The following KIAA0513 variants were observed in gnomAD, a reference collection of about 807,000 sequenced individuals.
KIAA0513 encodes the protein uncharacterized protein KIAA0513.
A neutral mutation model predicts 56.5 loss-of-function variants in KIAA0513; 39 were observed. The ratio of observed to expected loss-of-function variants is 0.69; its 90% CI spans 0.53 to 0.90. The LOEUF (loss-of-function observed/expected upper bound fraction) is 0.90, where lower values mean the gene tolerates loss of function less well. KIAA0513 is among the 40% of genes least tolerant of loss of function. KIAA0513 has a pLI of 0.00. For missense variants in KIAA0513, 591 were observed against 535.2 expected, an observed-to-expected ratio of 1.10 and a Z score of -1.03; for synonymous variants, 268 against 215.6, an observed-to-expected ratio of 1.24 and a Z score of -2.13.
At chr16:85,086,797 C>G (rs919757571) in intron 11 of KIAA0513, 73 bp downstream of exon 11, 1 of 1,346,304 alleles carries the variant, frequency 7.4e-7, no homozygotes. Context: ...CACCTGGTAT[C>G]ACACCCTGGG....
Position 85,073,111 on chromosome 16 carries a change from CA to C in KIAA0513, c.503+114del, listed in dbSNP as rs1158808298. On this transcript the variant is annotated intron_variant, in intron 4 of 12. Coordinates refer to ENST00000683363, the MANE Select transcript of KIAA0513 (RefSeq NM_001388359.1). The stretch of plus-strand genomic sequence containing the variant: ...AGCTGTGAACCATATCCACACTAGT[CA>C]TCAGGTTGCAGTTGCTCTGCTACGC... 79 of 881,896 alleles carry C rather than the reference CA, an allele frequency of 9.0e-5. 1 individual carries two copies. The Middle Eastern group carries it at 1.9e-3, about 21-fold the overall frequency. 54.6% of individuals were successfully genotyped at this position (881,896 alleles called of 1,614,324 possible). A position where few individuals can be genotyped will look rare whatever the true frequency, so the allele number is the denominator to read the frequency against.
intron 10 of KIAA0513, among the ~76,000 whole-genome samples, chr16:85,083,464 C>T (rs780340189): frequency 6.6e-6 from 1 of 151,880 alleles, no homozygotes; most frequent in Non-Finnish European, 1.5e-5. Flanking sequence ...ACAAACACCT[C>T]CTTTCATGAA....
At chr16:85,067,900 T>C (rs990447037) in intron 2 of KIAA0513, among the ~76,000 whole-genome samples, 1 of 151,914 alleles carries the variant, frequency 6.6e-6, no homozygotes, top group African/African-American at 2.4e-5. Context: ...AAGCTCTGCC[T>C]CCCAGGTTTA....
At chr16:85,083,303 C>CT (rs2073770220) in intron 10 of KIAA0513, among the ~76,000 whole-genome samples, 1 of 152,212 alleles carries the variant, frequency 6.6e-6, no homozygotes, top group Non-Finnish European at 1.5e-5. Context: ...TGATCTGCCT[C>CT]TTTAAATAGA....
At chr16:85,078,384 G>C (rs764554631) in intron 6 of KIAA0513, 31 bp from the exon 7 acceptor site, 1 of 1,613,376 alleles carries the variant, frequency 6.2e-7, no homozygotes, top group South Asian at 1.1e-5. Flanking sequence ...TGTGAGTCGC[G>C]TGTGTCATCA....
At chr16:85,067,593 T>C (rs1300383316) in intron 2 of KIAA0513, among the ~76,000 whole-genome samples, 193 bp downstream of exon 2, 1 of 152,150 alleles carries the variant, frequency 6.6e-6, no homozygotes, top group Non-Finnish European at 1.5e-5. Context: ...TGGAGAACTT[T>C]AAAAGAATAC....
chr16:85,028,725 C>T (rs956670303), intron 1 of KIAA0513, among the ~76,000 whole-genome samples: 21 of 151,766 alleles, frequency 1.4e-4, no homozygotes, highest in South Asian at 4.2e-4. Flanking sequence ...GGGGCACTAG[C>T]CAGGTCCTAT....
intron 1 of KIAA0513, among the ~76,000 whole-genome samples, chr16:85,032,721 C>T (rs1403968310): frequency 1.3e-5 from 2 of 152,110 alleles, no homozygotes; most frequent in Non-Finnish European, 2.9e-5. Context: ...AGATCCGCCT[C>T]CCGGGTTCAC....
At position 85,066,918 on chromosome 16, in the gene KIAA0513, A is replaced by G; in HGVS notation, c.-154A>G. 1.8e-6 allele frequency: 1 copy of G among 567,662 alleles called. No homozygotes were observed. Among genetic ancestry groups the G allele is most frequent in the Non-Finnish European group, 3.1e-6 (1 of 326,944 alleles). 35.2% of individuals were successfully genotyped at this position (567,662 alleles called of 1,614,324 possible). ...ATTCTAGATGCCGTAGGGCCAGGTG[A>G]GCTGCTGTGAAGGACTCATTCTTGG... is the stretch of plus-strand genomic sequence containing the variant. On this transcript the variant is annotated 5_prime_UTR_variant, in exon 2 of 13. Transcript: ENST00000683363.
chr16:85,083,462 C>G (rs1208752089), intron 10 of KIAA0513, among the ~76,000 whole-genome samples: 1 of 151,936 alleles, frequency 6.6e-6, no homozygotes, highest in East Asian at 1.9e-4. Flanking sequence ...TAACAAACAC[C>G]TCCTTTCATG....
chr16:85,073,388 A>G (rs1434675462), intron 4 of KIAA0513, among the ~76,000 whole-genome samples: 4 of 152,128 alleles, frequency 2.6e-5, no homozygotes, highest in African/African-American at 9.7e-5. Flanking sequence ...ACACTTAATG[A>G]TATGTTGGGA....
In KIAA0513 at chr16:85,041,373, C is replaced by T. The variant is rs192166425; in HGVS notation, c.-173+13515C>T. Reference sequence around the variant, plus strand: ...CCCAAAGAACGCAGCCCTTGAAAACCGCCCCAGGCAGAGTGGAGTTCTGCT... The same window carrying T: ...CCCAAAGAACGCAGCCCTTGAAAACTGCCCCAGGCAGAGTGGAGTTCTGCT... On this transcript the variant is annotated intron_variant, in intron 1 of 12. Coordinates refer to ENST00000683363, the MANE Select transcript of KIAA0513 (RefSeq NM_001388359.1). 1.5e-3 allele frequency among the ~76,000 whole-genome samples: 236 copies of T among 152,320 alleles called. 1 individual carries two copies. Among genetic ancestry groups the T allele is most frequent in the South Asian group, 0.011 (54 of 4,826 alleles).
intron 1 of KIAA0513, among the ~76,000 whole-genome samples, chr16:85,044,955 A>G (rs2073151636): frequency 1.3e-5 from 2 of 151,952 alleles, no homozygotes; most frequent in Non-Finnish European, 1.5e-5. Context: ...TCTCTCTACT[A>G]AAAATGCAAA....
intron 1 of KIAA0513, among the ~76,000 whole-genome samples, chr16:85,040,754 G>A (rs758787345): frequency 2.0e-5 from 3 of 152,128 alleles, no homozygotes; most frequent in Non-Finnish European, 4.4e-5. Flanking sequence ...CAGCCAAAGC[G>A]TTTTGAGATG....
chr16:85,030,468 C>T (rs151304764), intron 1 of KIAA0513, among the ~76,000 whole-genome samples: 1 of 152,244 alleles, frequency 6.6e-6, no homozygotes, highest in East Asian at 1.9e-4. Context: ...TAGGGCTGGG[C>T]GCGGTGGCTG....
chr16:85,071,955 C>A, intron 3 of KIAA0513, 73 bp downstream of exon 3: 3 of 1,004,356 alleles, frequency 3.0e-6, no homozygotes, highest in Non-Finnish European at 4.7e-6. Flanking sequence ...ACAAATTTGA[C>A]TTTATCCTAC....
In KIAA0513 at chr16:85,090,489, G is replaced by C. The variant is rs1349692366; in HGVS notation, c.*2164G>C. The C allele has an allele frequency of 6.6e-6, 1 of 152,210 alleles. No individual in the cohort carries two copies. The highest frequency in any genetic ancestry group is 1.5e-5 in the Non-Finnish European group (1 of 68,048). 9.4% of individuals were successfully genotyped at this position (152,210 alleles called of 1,614,324 possible). A position where few individuals can be genotyped will look rare whatever the true frequency, so the allele number is the denominator to read the frequency against. On this transcript the variant is annotated 3_prime_UTR_variant, in exon 13 of 13. Transcript: ENST00000683363. ...CTTGTGCACAGCCTCTGGAAGGAAA[G>C]GCAGCGCTGACTTCGTTGGGCTTTT...
rs2073760121 is a variant in KIAA0513, at chr16:85,082,657, G to T, written c.1010+64G>T. 3 of 1,531,810 alleles carry T rather than the reference G, an allele frequency of 2.0e-6. No individual in the cohort carries two copies. In the South Asian group the frequency reaches 3.4e-5, roughly 17 times the overall value. 94.9% of individuals were successfully genotyped at this position (1,531,810 alleles called of 1,614,324 possible). A position where few individuals can be genotyped will look rare whatever the true frequency, so the allele number is the denominator to read the frequency against. ...CGGGCTCCTGCGAAGGCCACTGCAG[G>T]GTGGGGGCTGTGCACTGTGCTGAGC... On this transcript the variant is annotated intron_variant, in intron 10 of 12. Transcript: ENST00000683363.
intron 1 of KIAA0513, among the ~76,000 whole-genome samples, chr16:85,048,169 G>A (rs979443356): frequency 6.6e-6 from 1 of 152,220 alleles, no homozygotes; most frequent in East Asian, 1.9e-4. Flanking sequence ...GCAGGATCCT[G>A]TGGGCCTCTG....
Sources: allele counts gnomAD v4.1 joint callset (sites outside exome capture counted in the v4.1 genomes callset), GRCh38; gene constraint gnomAD v4.1.1; transcripts MANE v1.5; gene names NCBI Gene and HGNC (gene_info 2026-07-23, HGNC 2026-07-21).